The following ACTN4 variants were observed in gnomAD, a reference collection of about 807,000 sequenced individuals.
ACTN4 encodes alpha-actinin-4.
Under a neutral mutation model 114.2 loss-of-function variants are expected in ACTN4, and 18 were observed. The observed-to-expected ratio is 0.16, with a 90% CI of 0.11 to 0.23. ACTN4 has a LOEUF of 0.23. Ranked by LOEUF, ACTN4 falls within the 10% of genes least tolerant of loss-of-function variation. ACTN4 has a pLI of 1.00. For synonymous variants in ACTN4, 515 were observed against 506.3 expected (o/e 1.02, Z -0.23); for missense variants, 722 against 1,262.9 (o/e 0.57, Z 6.49).
At chr19:38,674,892 G>A (rs1430793973) in intron 1 of ACTN4, among the ~76,000 whole-genome samples, 1 of 152,208 alleles carries the variant, frequency 6.6e-6, no homozygotes, top group Non-Finnish European at 1.5e-5. Context: ...GAGAACTCGT[G>A]ATATCGCTGA....
rs1418021451 is a variant in ACTN4 at position 38,731,117 on chromosome 19, G to A, written c.*1685G>A. On this transcript the variant is annotated 3_prime_UTR_variant, in exon 21 of 21. Coordinates refer to ENST00000252699, the MANE Select transcript of ACTN4 (RefSeq NM_004924.6). ...CGGGGTGGTACTCACAGAAGATGCA[G>A]GTGAGGTGGGCCACACAGGACACGA... 1.2e-6 allele frequency: 2 copies of A among 1,611,972 alleles called. No homozygotes were observed. Among genetic ancestry groups the A allele is most frequent in the South Asian group, 1.1e-5 (1 of 90,874 alleles).
intron 1 of ACTN4, among the ~76,000 whole-genome samples, chr19:38,695,489 C>T (rs750634082): frequency 5.3e-5 from 8 of 152,156 alleles, no homozygotes; most frequent in Non-Finnish European, 8.8e-5. Context: ...CCTCTGCCTT[C>T]CTCTTCCTGC....
intron 1 of ACTN4, among the ~76,000 whole-genome samples, chr19:38,680,214 T>A (rs1279996047): frequency 5.8e-5 from 1 of 17,346 alleles, no homozygotes; most frequent in African/African-American, 1.1e-4. Context: ...CTCAGGAAGT[T>A]TTTTTTTTTT....
In ACTN4 at chr19:38,673,445, A is replaced by ATATATATATTAATATATATTTT. The variant is rs1568689133; in HGVS notation, c.162+25548_162+25549insAATATATATTTTTATATATATT. Among the ~76,000 whole-genome samples the ATATATATATTAATATATATTTT allele has an allele frequency of 1.7e-4, 18 of 104,904 alleles. 1 individual carries two copies. The highest frequency in any genetic ancestry group is 5.3e-4 in the African/African-American group (16 of 30,248). 68.8% of individuals were successfully genotyped at this position (104,904 alleles called of 152,430 possible). A position where few individuals can be genotyped will look rare whatever the true frequency, so the allele number is the denominator to read the frequency against. ...TCCAAATTGTGGTTTTATTTTTTAT[A>ATATATATATTAATATATATTTT]TATATATATTCATATATATTTATAT... On this transcript the variant is annotated intron_variant, in intron 1 of 20. Coordinates refer to ENST00000252699, the MANE Select transcript of ACTN4 (RefSeq NM_004924.6).
At chr19:38,670,208 G>A (rs570933547) in intron 1 of ACTN4, among the ~76,000 whole-genome samples, 1 of 152,314 alleles carries the variant, frequency 6.6e-6, no homozygotes, top group African/African-American at 2.4e-5. Context: ...GGGAGTTGGG[G>A]ATCACGTAAC....
intron 1 of ACTN4, among the ~76,000 whole-genome samples, chr19:38,650,813 G>GCAACCTCCGTCTCCCGTCTCC (rs1175041751): frequency 6.6e-6 from 1 of 152,018 alleles, no homozygotes; most frequent in African/African-American, 2.4e-5. Flanking sequence ...TTGGCTCACC[G>GCAACCTCCGTCTCCCGTCTCC]CAACCTCCGT....
chr19:38,688,845 A>G (rs1474299133), intron 1 of ACTN4, among the ~76,000 whole-genome samples: 1 of 152,210 alleles, frequency 6.6e-6, no homozygotes, highest in East Asian at 1.9e-4. Context: ...GAACCCTCAC[A>G]TTGCTGGTCA....
chr19:38,721,728 A>G, intron 12 of ACTN4, 40 bp downstream of exon 12: 1 of 1,606,228 alleles, frequency 6.2e-7, no homozygotes, highest in Admixed American at 1.7e-5. Context: ...CCTGGCTCTC[A>G]CCACAGCCTG....
At chr19:38,688,199 C>T (rs910509043) in intron 1 of ACTN4, among the ~76,000 whole-genome samples, 1 of 151,958 alleles carries the variant, frequency 6.6e-6, no homozygotes, top group East Asian at 1.9e-4. Context: ...CTTGGGGCCA[C>T]GAATTGGAGA....
At chr19:38,662,995 C>T (rs542231203) in intron 1 of ACTN4, among the ~76,000 whole-genome samples, 14 of 151,968 alleles carry the variant, frequency 9.2e-5, no homozygotes, top group Non-Finnish European at 1.6e-4. Flanking sequence ...CTGCAACTTC[C>T]GCCTCCTGGG....
intron 1 of ACTN4, among the ~76,000 whole-genome samples, chr19:38,689,046 AAG>A (rs535484033): frequency 1.7e-3 from 263 of 152,294 alleles, no homozygotes; most frequent in Non-Finnish European, 2.1e-3. Context: ...TTTTAAATAT[AAG>A]AGGTATCATA....
At chr19:38,673,438 T>G (rs1393387234) in intron 1 of ACTN4, among the ~76,000 whole-genome samples, 1 of 126,932 alleles carries the variant, frequency 7.9e-6, no homozygotes, top group Non-Finnish European at 1.6e-5. Flanking sequence ...GTGGTTTTAT[T>G]TTTTATATAT....
chr19:38,665,249 T>C (rs963572301), intron 1 of ACTN4, among the ~76,000 whole-genome samples: 1 of 152,092 alleles, frequency 6.6e-6, no homozygotes, highest in African/African-American at 2.4e-5. Flanking sequence ...CGACCTGGGC[T>C]CCACACCCAC....
At chr19:38,707,536 T>A (rs1040374226) in intron 5 of ACTN4, among the ~76,000 whole-genome samples, 1 of 152,082 alleles carries the variant, frequency 6.6e-6, no homozygotes. Flanking sequence ...CCATATAGCT[T>A]GTAACTGACC....
chr19:38,675,892 C>T (rs1295251086), intron 1 of ACTN4, among the ~76,000 whole-genome samples: 1 of 152,194 alleles, frequency 6.6e-6, no homozygotes, highest in Non-Finnish European at 1.5e-5. Context: ...GCAGCTCTCG[C>T]CTGTGTTGGA....
chr19:38,722,568 G>A lies in ACTN4; in HGVS notation c.1442+880G>A, dbSNP rs73554718. 5.0e-3 allele frequency among the ~76,000 whole-genome samples: 757 copies of A among 152,256 alleles called. 1 individual carries two copies. The highest frequency in any genetic ancestry group is 0.018 in the African/African-American group (732 of 41,568). The stretch of plus-strand genomic sequence containing the variant: ...ACCCACTACTGTCCGGGTGCTTTGA[G>A]GGTTCCCCATTGGCTCAGCCAGAGG... On this transcript the variant is annotated intron_variant, in intron 12 of 20. Transcript: ENST00000252699.
At chr19:38,664,484 T>C (rs955950089) in intron 1 of ACTN4, among the ~76,000 whole-genome samples, 1 of 152,160 alleles carries the variant, frequency 6.6e-6, no homozygotes, top group African/African-American at 2.4e-5. Context: ...ACATGACAGC[T>C]GTAATATAGC....
Position 38,717,005 on chromosome 19 carries a change from A to G in ACTN4, c.913-81A>G, listed in dbSNP as rs1263322664. Reference sequence around the variant, plus strand: ...TGGGGCCCTCAAAGATCCAGATCCCATGTGCCCATAAGCTGGGGGGCAGCC... The same window carrying G: ...TGGGGCCCTCAAAGATCCAGATCCCGTGTGCCCATAAGCTGGGGGGCAGCC... On this transcript the variant is annotated intron_variant, in intron 9 of 20. Coordinates refer to ENST00000252699, the MANE Select transcript of ACTN4 (RefSeq NM_004924.6). This position sits in a 1 kb window ranked among gnomAD's most constrained non-coding sequence, Gnocchi z 4.0. The G allele has an allele frequency of 3.5e-6, 5 of 1,440,402 alleles. No individual in the cohort carries two copies. The highest frequency in any genetic ancestry group is 4.8e-6 in the Non-Finnish European group (5 of 1,049,634). 89.2% of individuals were successfully genotyped at this position (1,440,402 alleles called of 1,614,324 possible).
chr19:38,657,391 C>T (rs958600464), intron 1 of ACTN4, among the ~76,000 whole-genome samples: 1 of 152,192 alleles, frequency 6.6e-6, no homozygotes, highest in African/African-American at 2.4e-5. Context: ...GATCCACCCA[C>T]CTTGGCCCAA....
Sources: gnomAD v4.1 joint callset for allele counts (sites outside exome capture counted in the v4.1 genomes callset) on GRCh38, gnomAD v4.1.1 for gene constraint, Gnocchi (gnomAD v3.1) non-coding constraint, MANE v1.5 for transcripts, NCBI Gene and HGNC (gene_info 2026-07-23, HGNC 2026-07-21) for gene names.